The following CNBD2 variants were observed in gnomAD, a reference collection of about 807,000 sequenced individuals.
CNBD2 encodes cyclic nucleotide binding domain containing 2.
A neutral mutation model predicts 63.7 loss-of-function variants in CNBD2; 64 were observed. That is an observed-to-expected ratio of 1.00 (90% confidence interval 0.82 to 1.24). The LOEUF (loss-of-function observed/expected upper bound fraction) is 1.24. Among genes scored for constraint, CNBD2 ranks in the 50% most tolerant of loss-of-function variants. The pLI is 0.00. For missense variants in CNBD2, 691 were observed against 713.5 expected (o/e 0.97, Z 0.36); for synonymous variants, 229 against 255.4 (o/e 0.90, Z 0.99).
intron 1 of CNBD2, among the ~76,000 whole-genome samples, chr20:35,970,555 C>A (rs1024666851): frequency 6.6e-6 from 1 of 152,056 alleles, no homozygotes; most frequent in African/African-American, 2.4e-5. Flanking sequence ...CACCACCACG[C>A]CCGGCTAATT....
At chr20:36,008,262 T>C in intron 8 of CNBD2, 35 bp from the exon 9 acceptor site, 1 of 1,548,886 alleles carries the variant, frequency 6.5e-7, no homozygotes, top group Non-Finnish European at 8.8e-7. Context: ...TATGCAAAGA[T>C]CCATAAGTAT....
At chr20:35,983,954 C>A in intron 4 of CNBD2, 28 bp from the exon 5 acceptor site, 1 of 1,613,964 alleles carries the variant, frequency 6.2e-7, no homozygotes, top group Non-Finnish European at 8.5e-7. Flanking sequence ...TGTCACTACC[C>A]AATCAACTAG....
At chr20:35,967,229 C>T (rs993156386), upstream of CNBD2, among the ~76,000 whole-genome samples, 29 of 149,362 alleles carry the variant, frequency 1.9e-4, 1 homozygote, top group East Asian at 5.3e-3. Context: ...TATGCCAATT[C>T]CCCCTCCCGC....
At chr20:35,954,512 G>A (rs1328564077), upstream of CNBD2, 8 of 1,532,356 alleles carry the variant, frequency 5.2e-6, no homozygotes, top group Non-Finnish European at 6.2e-6. Flanking sequence ...CGTCCAGGTC[G>A]GCGCGCGAGC....
At chr20:36,020,222 A>G (rs1415731600) in intron 10 of CNBD2, among the ~76,000 whole-genome samples, 3 of 152,090 alleles carry the variant, frequency 2.0e-5, no homozygotes, top group Non-Finnish European at 2.9e-5. Context: ...AGCTGGGACT[A>G]CAAGCACCCG....
intron 11 of CNBD2, among the ~76,000 whole-genome samples, chr20:36,026,645 T>A (rs1284132195): frequency 6.6e-6 from 1 of 152,156 alleles, no homozygotes; most frequent in African/African-American, 2.4e-5. Flanking sequence ...TGCACATACC[T>A]TGCCTTTGCC....
chr20:35,980,558 G>C lies in CNBD2; in HGVS notation c.343G>C (p.Asp115His). The change falls in exon 4 of 12, where the codon GAT (aspartate) becomes CAT (histidine). Residue 115 changes from aspartate to histidine, a missense_variant. By Grantham distance (81) the Asp-to-His change is moderately conservative. Transcript: ENST00000373973. ...CGTCTGTAACATCTTGCAGGTTCTG[G>C]ATAGCTATCGGAACTACGCAGAGCC... ...QAVCNILQVL[D>H]SYRNYAEPLQ... The C allele has an allele frequency of 1.2e-6, 2 of 1,614,146 alleles. No individual in the cohort carries two copies. The highest frequency in any genetic ancestry group is 1.7e-6 in the Non-Finnish European group (2 of 1,180,032).
intron 10 of CNBD2, among the ~76,000 whole-genome samples, chr20:36,017,887 C>T (rs929748487): frequency 1.3e-5 from 2 of 152,210 alleles, no homozygotes; most frequent in Non-Finnish European, 2.9e-5. Flanking sequence ...TGTCACCTGC[C>T]TCCCAGCCTC....
intron 11 of CNBD2, among the ~76,000 whole-genome samples, chr20:36,025,076 A>G (rs2057267404): frequency 6.6e-6 from 1 of 152,270 alleles, no homozygotes; most frequent in Non-Finnish European, 1.5e-5. Flanking sequence ...TTGATAGAAC[A>G]TAATTGTTTT....
chr20:35,974,378 G>A (rs62213161), intron 2 of CNBD2: 1 of 153,816 alleles, frequency 6.5e-6, no homozygotes, highest in African/African-American at 2.4e-5. Flanking sequence ...GAGGGCTTTG[G>A]TTACCAGAAG....
chr20:36,010,697 A>G (rs964335421), intron 9 of CNBD2, among the ~76,000 whole-genome samples: 3 of 151,766 alleles, frequency 2.0e-5, no homozygotes, highest in African/African-American at 7.3e-5. Flanking sequence ...CCAGAAGTGG[A>G]GGTTGCAGTG....
At chr20:35,979,810 G>A (rs2056571838) in intron 3 of CNBD2, among the ~76,000 whole-genome samples, 1 of 152,178 alleles carries the variant, frequency 6.6e-6, no homozygotes, top group Non-Finnish European at 1.5e-5. Context: ...TCAAGACAGA[G>A]CCGAGCTTAG....
At position 35,984,500 on chromosome 20, in the gene CNBD2, C is replaced by G. The variant is rs1245818585; in HGVS notation, c.565-127C>G. The G allele has an allele frequency of 2.6e-5, 25 of 978,248 alleles. No individual in the cohort carries two copies. The East Asian group carries it at 6.6e-4, about 26-fold the overall frequency. 60.6% of individuals were successfully genotyped at this position (978,248 alleles called of 1,614,324 possible). A position where few individuals can be genotyped will look rare whatever the true frequency, so the allele number is the denominator to read the frequency against. ...AGAATGTGCAGGAGAATAGAGGAGG[C>G]TAGGGAACACACAGTCTGGTGAGGA... On this transcript the variant is annotated intron_variant, in intron 5 of 11. Transcript: ENST00000373973.
chr20:35,958,128 C>A (rs1403142063), downstream of CNBD2, among the ~76,000 whole-genome samples: 2 of 152,120 alleles, frequency 1.3e-5, no homozygotes, highest in Non-Finnish European at 2.9e-5. Context: ...CTGGAGAATA[C>A]GTCTTTTAAA....
At chr20:36,026,416 T>C in intron 11 of CNBD2, among the ~76,000 whole-genome samples, 1 of 152,138 alleles carries the variant, frequency 6.6e-6, no homozygotes, top group East Asian at 1.9e-4. Flanking sequence ...GCCTGCTGGA[T>C]TCTTTCTGCA....
chr20:35,975,346 G>A, intron 2 of CNBD2, among the ~76,000 whole-genome samples: 1 of 115,250 alleles, frequency 8.7e-6, no homozygotes, highest in Non-Finnish European at 1.8e-5. Flanking sequence ...TGTTGCCCAG[G>A]CTGGAGTGCA....
chr20:35,954,552 G>A, upstream of CNBD2: 1 of 1,497,106 alleles, frequency 6.7e-7, no homozygotes, highest in East Asian at 2.7e-5. Context: ...GCTCCCGGAA[G>A]CGGCGCCCTC....
At chr20:35,977,808 T>C (rs1285025491) in intron 3 of CNBD2, among the ~76,000 whole-genome samples, 1 of 152,176 alleles carries the variant, frequency 6.6e-6, no homozygotes, top group Admixed American at 6.5e-5. Flanking sequence ...GTGAATACAC[T>C]AAAAAACACT....
chr20:36,012,464 C>T (rs1288109597), intron 10 of CNBD2, among the ~76,000 whole-genome samples: 3 of 141,424 alleles, frequency 2.1e-5, no homozygotes, highest in East Asian at 2.1e-4. Context: ...GTGACAAGAG[C>T]GAAACTCCAT....
Sources: allele counts gnomAD v4.1 joint callset (sites outside exome capture counted in the v4.1 genomes callset), GRCh38; gene constraint gnomAD v4.1.1; transcripts MANE v1.5; gene names NCBI Gene and HGNC (gene_info 2026-07-23, HGNC 2026-07-21).